Variants in APBB2 observed in about 807,000 individuals in gnomAD.
The protein encoded by APBB2 is amyloid beta precursor protein binding family B member 2.
A neutral mutation model predicts 82.5 loss-of-function variants in APBB2; 38 were observed. The observed-to-expected ratio is 0.46, with a 90% confidence interval of 0.36 to 0.60. The LOEUF (loss-of-function observed/expected upper bound fraction) is 0.60. Ranked by LOEUF, APBB2 falls within the 20% of genes least tolerant of loss-of-function variation. APBB2 has a pLI of 0.00. For missense variants in APBB2, 772 were observed against 972.3 expected (o/e 0.79, Z 2.74); for synonymous variants, 341 against 368.2 (o/e 0.93, Z 0.85).
At chr4:40,858,469 AAAAAAAAAAG>A (rs1169479775) in intron 12 of APBB2, among the ~76,000 whole-genome samples, 1 of 150,524 alleles carries the variant, frequency 6.6e-6, no homozygotes, top group African/African-American at 2.4e-5. Flanking sequence ...AAAAAAAAAA[AAAAAAAAAAG>A]AGCAAAATAG....
intron 15 of APBB2, among the ~76,000 whole-genome samples, chr4:40,824,173 AG>A (rs1336294497): frequency 1.3e-5 from 2 of 152,180 alleles, no homozygotes; most frequent in African/African-American, 4.8e-5. Flanking sequence ...AAAAAGAAAA[AG>A]AAAAAAAAGA....
intron 6 of APBB2, among the ~76,000 whole-genome samples, chr4:40,982,342 G>A (rs6822494): frequency 0.017 from 174 of 10,472 alleles, 31 homozygotes; most frequent in Middle Eastern, 0.079. Flanking sequence ...AAGGAAGGAA[G>A]GAAGGAAGGA....
chr4:40,880,682 G>C (rs1449498892), intron 12 of APBB2: 2 of 985,368 alleles, frequency 2.0e-6, no homozygotes, highest in East Asian at 1.1e-4. Flanking sequence ...GATCTCCCTC[G>C]CTCTGCATCC....
At chr4:40,872,896 G>A (rs111382491) in intron 12 of APBB2, among the ~76,000 whole-genome samples, 13,848 of 151,860 alleles carry the variant, frequency 0.091, 790 homozygotes, top group South Asian at 0.17. Context: ...GACCAGCCTG[G>A]CCAACATGGT....
At chr4:40,891,954 T>C (rs1772160169) in intron 11 of APBB2, among the ~76,000 whole-genome samples, 1 of 148,784 alleles carries the variant, frequency 6.7e-6, no homozygotes, top group Admixed American at 6.7e-5. Flanking sequence ...TTTTGTTCTT[T>C]TTTTTTTTTT....
At chr4:41,006,035 T>G (rs1806613649) in intron 6 of APBB2, among the ~76,000 whole-genome samples, 1 of 152,218 alleles carries the variant, frequency 6.6e-6, no homozygotes, top group South Asian at 2.1e-4. Context: ...CTCATCTCAT[T>G]GTAATCACCT....
At chr4:41,153,226 T>C (rs1345798597) in intron 1 of APBB2, among the ~76,000 whole-genome samples, 4 of 152,218 alleles carry the variant, frequency 2.6e-5, no homozygotes, top group East Asian at 1.9e-4. Context: ...GTTGAACTAC[T>C]TGAAGTGAGA....
At chr4:40,993,522 C>A (rs1237720495) in intron 6 of APBB2, among the ~76,000 whole-genome samples, 1 of 151,842 alleles carries the variant, frequency 6.6e-6, no homozygotes, top group East Asian at 1.9e-4. Context: ...GTAGCTGGGA[C>A]TACAGGCACG....
At chr4:41,001,865 G>A (rs1805338744) in intron 6 of APBB2, among the ~76,000 whole-genome samples, 3 of 149,044 alleles carry the variant, frequency 2.0e-5, no homozygotes, top group Non-Finnish European at 4.4e-5. Flanking sequence ...GTGACAGAGT[G>A]AGACTCCGCC....
intron 2 of APBB2, among the ~76,000 whole-genome samples, chr4:41,140,321 A>G (rs1346640348): frequency 2.6e-5 from 4 of 152,242 alleles, no homozygotes; most frequent in Non-Finnish European, 4.4e-5. Flanking sequence ...TACTTTAACT[A>G]TATGCTCTGG....
chr4:41,176,554 T>C (rs1164670047), intron 1 of APBB2, among the ~76,000 whole-genome samples: 1 of 152,108 alleles, frequency 6.6e-6, no homozygotes, highest in Non-Finnish European at 1.5e-5. Flanking sequence ...AAGTCCCTTA[T>C]GAGACACTGC....
intron 5 of APBB2, among the ~76,000 whole-genome samples, chr4:41,029,899 G>A (rs577150664): frequency 1.3e-5 from 2 of 152,256 alleles, no homozygotes; most frequent in South Asian, 2.1e-4. Flanking sequence ...GTTCATGCCT[G>A]TAATCCTAGC....
chr4:41,111,680 A>G (rs1749247186), intron 2 of APBB2, among the ~76,000 whole-genome samples: 1 of 152,242 alleles, frequency 6.6e-6, no homozygotes, highest in African/African-American at 2.4e-5. Context: ...AAAAAACTGC[A>G]TATTTGGACA....
At chr4:41,131,059 A>G (rs1192121812) in intron 2 of APBB2, among the ~76,000 whole-genome samples, 1 of 152,172 alleles carries the variant, frequency 6.6e-6, no homozygotes, top group Non-Finnish European at 1.5e-5. Context: ...GCGAGAGTAC[A>G]ATGTTTTAAT....
At chr4:40,981,661 C>T (rs746285633) in intron 6 of APBB2, among the ~76,000 whole-genome samples, 1 of 152,148 alleles carries the variant, frequency 6.6e-6, no homozygotes, top group Admixed American at 6.5e-5. Flanking sequence ...GACAATGAGG[C>T]CACCATGATG....
intron 6 of APBB2, among the ~76,000 whole-genome samples, chr4:40,959,469 C>A (rs1031898153): frequency 1.3e-5 from 2 of 152,182 alleles, no homozygotes; most frequent in Admixed American, 6.5e-5. Context: ...GCAACGATCA[C>A]AAAATGGAAG....
chr4:41,076,516 G>A (rs925297417), intron 3 of APBB2, among the ~76,000 whole-genome samples: 5 of 152,196 alleles, frequency 3.3e-5, no homozygotes, highest in African/African-American at 1.2e-4. Context: ...TGGGTTCCCA[G>A]AGCACTGGCC....
intron 12 of APBB2, among the ~76,000 whole-genome samples, chr4:40,861,904 G>T (rs1168567410): frequency 6.6e-6 from 1 of 152,076 alleles, no homozygotes; most frequent in Non-Finnish European, 1.5e-5. Flanking sequence ...TATGGAAACT[G>T]ATCACCCAAC....
intron 1 of APBB2, among the ~76,000 whole-genome samples, chr4:41,158,928 G>C (rs778602291): frequency 2.6e-5 from 4 of 152,074 alleles, no homozygotes; most frequent in Non-Finnish European, 5.9e-5. Flanking sequence ...TCTGCCTCCT[G>C]CACCACCCTG....
Sources: allele counts gnomAD v4.1 joint callset (sites outside exome capture counted in the v4.1 genomes callset), GRCh38; gene constraint gnomAD v4.1.1; transcripts MANE v1.5; gene names NCBI Gene and HGNC (gene_info 2026-07-23, HGNC 2026-07-21).